DLEC1: variants seen among roughly 807,000 people sequenced by gnomAD.
DLEC1 encodes the protein DLEC1 cilia and flagella associated protein.
Under a neutral mutation model 198.1 loss-of-function variants are expected in DLEC1, and 146 were observed. That is an observed-to-expected ratio of 0.74 (90% CI 0.64 to 0.85). The LOEUF (loss-of-function observed/expected upper bound fraction) is 0.85, where lower values mean the gene tolerates loss of function less well. Among genes scored for constraint, DLEC1 ranks in the 40% least tolerant of loss-of-function variants. The pLI is 0.00. For missense variants in DLEC1, 2,233 were observed against 2,220.0 expected, an observed-to-expected ratio of 1.01 and a Z score of -0.12; for synonymous variants, 897 against 866.8, an observed-to-expected ratio of 1.03 and a Z score of -0.61.
intron 14 of DLEC1, 72 bp from the exon 15 acceptor site, chr3:38,096,497 A>T: frequency 6.6e-7 from 1 of 1,516,150 alleles, no homozygotes. Context: ...CAAACGTGGG[A>T]CAGAGGCAGG....
At chr3:38,050,557 G>A (rs1262458014) in intron 2 of DLEC1, among the ~76,000 whole-genome samples, 1 of 152,004 alleles carries the variant, frequency 6.6e-6, no homozygotes, top group Non-Finnish European at 1.5e-5. Flanking sequence ...GGGTTTTGGG[G>A]GGGCCAGGTG....
At chr3:38,090,325 G>A (rs1014808782) in intron 10 of DLEC1, among the ~76,000 whole-genome samples, 3 of 152,238 alleles carry the variant, frequency 2.0e-5, no homozygotes, top group Non-Finnish European at 4.4e-5. Flanking sequence ...CCCTTCCAGA[G>A]ATAGTCTATG....
At chr3:38,089,480 C>T (rs1698631324) in intron 10 of DLEC1, among the ~76,000 whole-genome samples, 1 of 152,206 alleles carries the variant, frequency 6.6e-6, no homozygotes, top group African/African-American at 2.4e-5. Context: ...CATGTCCCTG[C>T]TCATCTGATC....
At chr3:38,079,503 T>C (rs1483657857) in intron 6 of DLEC1, among the ~76,000 whole-genome samples, 1 of 152,150 alleles carries the variant, frequency 6.6e-6, no homozygotes, top group Non-Finnish European at 1.5e-5. Context: ...CGTGATGGTC[T>C]AGGGGGCTTT....
intron 13 of DLEC1, chr3:38,095,340 C>G: frequency 2.0e-6 from 1 of 494,628 alleles, no homozygotes; most frequent in South Asian, 2.6e-5. Flanking sequence ...CACATGTCTA[C>G]TATGGCAAAA....
At chr3:38,104,258 A>C (rs1310467921) in intron 19 of DLEC1, among the ~76,000 whole-genome samples, 1 of 152,126 alleles carries the variant, frequency 6.6e-6, no homozygotes, top group Non-Finnish European at 1.5e-5. Context: ...GGAGTACGAG[A>C]CCAGGCTAGC....
chr3:38,118,414 A>C (rs886268853), intron 33 of DLEC1, among the ~76,000 whole-genome samples: 3 of 152,318 alleles, frequency 2.0e-5, no homozygotes, highest in South Asian at 4.1e-4. Flanking sequence ...TTTGTGTCCC[A>C]GCTCAGGTGA....
chr3:38,070,786 C>T (rs1410461203), intron 6 of DLEC1, among the ~76,000 whole-genome samples: 1 of 152,178 alleles, frequency 6.6e-6, no homozygotes, highest in East Asian at 1.9e-4. Context: ...CGGCCATTTT[C>T]ACTTCTTTTG....
Position 38,116,529 on chromosome 3 carries a change from G to T in DLEC1, c.3933G>T (p.Gly1311=). 1 of 1,614,138 alleles carries T rather than the reference G, an allele frequency of 6.2e-7. No individual in the cohort carries two copies. Among genetic ancestry groups the T allele is most frequent in the South Asian group, 1.1e-5 (1 of 91,080 alleles). The part of the protein sequence containing the change: ...DRLVELLVFY[G]PPFPLRDQAG... Reference sequence around the variant, plus strand: ...TGGTGGAGCTGCTGGTGTTTTATGGGCCACCTTTCCCGCTGCGGGACCAAG... The same window carrying T: ...TGGTGGAGCTGCTGGTGTTTTATGGTCCACCTTTCCCGCTGCGGGACCAAG... Residue 1311 remains glycine (G), a synonymous_variant, in exon 28 of 37, where the codon GGG becomes GGT. Transcript: ENST00000308059.
chr3:38,097,948 C>T (rs34303129), intron 18 of DLEC1, 46 bp downstream of exon 18: 23 of 1,610,492 alleles, frequency 1.4e-5, no homozygotes, highest in East Asian at 6.7e-5. Flanking sequence ...ACAATGAGCC[C>T]GTTTAGCTTG....
chr3:38,067,779 A>C (rs1339088108), intron 6 of DLEC1, among the ~76,000 whole-genome samples: 2 of 137,972 alleles, frequency 1.4e-5, no homozygotes, highest in Non-Finnish European at 3.1e-5. Context: ...TTGAGATGGA[A>C]TCTTGCTCTA....
At position 38,062,228 on chromosome 3, in the gene DLEC1, A is replaced by G; in HGVS notation, c.733A>G (p.Lys245Glu). 6.2e-7 allele frequency: 1 copy of G among 1,614,222 alleles called. No homozygotes were observed. Among genetic ancestry groups the G allele is most frequent in the Non-Finnish European group, 8.5e-7 (1 of 1,180,038 alleles). The change falls in exon 4 of 37, where the codon AAG becomes GAG. Residue 245 changes from lysine (K) to glutamate (E), a missense_variant. Physicochemically the swap from Lys to Glu is moderately conservative, Grantham distance 56. Coordinates refer to ENST00000308059, the MANE Select transcript of DLEC1 (RefSeq NM_007335.4). ...TAGCTGTGAGAAGCGTTCCGTCCAG[A>G]AGAAAGAGCTGAACAAGAAGCTTGA... ...TFSCEKRSVQ[K>E]KELNKKLEDS...
intron 18 of DLEC1, among the ~76,000 whole-genome samples, chr3:38,098,627 G>A (rs184187761): frequency 1.6e-3 from 246 of 152,154 alleles, no homozygotes; most frequent in Middle Eastern, 6.8e-3. Flanking sequence ...GCTTCCCACC[G>A]AGGTCCCCAT....
chr3:38,105,617 T>A (rs1486167495), intron 19 of DLEC1, among the ~76,000 whole-genome samples: 2 of 152,198 alleles, frequency 1.3e-5, no homozygotes, highest in Non-Finnish European at 2.9e-5. Context: ...TTGCATGATA[T>A]ATATTTTTCC....
chr3:38,095,071 G>A lies in DLEC1; in HGVS notation c.2112G>A (p.Glu704=), dbSNP rs767799172. ...TCATCCTGAGCTTTTCTCCTCATGA[G>A]GTTCAGATGGTGTCATCTCAGTAGC... is the stretch of plus-strand genomic sequence containing the variant. ...HEFILSFSPH[E]LRDFHSVLQM... is the part of the protein sequence containing the mutation. The change falls in exon 13 of 37, where the codon GAG becomes GAA. Residue 704 remains glutamate, a splice_region_variant and synonymous_variant. Transcript: ENST00000308059. 105 of 1,613,896 alleles carry A rather than the reference G, an allele frequency of 6.5e-5. No homozygotes were observed. Among genetic ancestry groups the A allele is most frequent in the Non-Finnish European group, 8.5e-5 (100 of 1,179,894 alleles).
intron 6 of DLEC1, among the ~76,000 whole-genome samples, chr3:38,074,262 C>T (rs1697481401): frequency 1.3e-5 from 2 of 152,214 alleles, no homozygotes; most frequent in Admixed American, 6.5e-5. Flanking sequence ...AATGCGTTGC[C>T]ATCTGGCTGC....
At position 38,097,761 on chromosome 3, in the gene DLEC1, C is replaced by T. The variant is rs1467464848; in HGVS notation, c.2583C>T (p.Ile861=). 6.8e-6 allele frequency: 11 copies of T among 1,614,154 alleles called. No individual in the cohort carries two copies. The East Asian group carries it at 2.5e-4, about 36-fold the overall frequency. The stretch of plus-strand genomic sequence containing the variant: ...TGTCTCAGGGGCCTGCCCTCATCAT[C>T]AACGTCTCAGCCCTTCAGTTTGGTC... The part of the protein sequence containing the change: ...EAVFKGPALI[I]NVSALQFGLL... Residue 861 remains isoleucine, a synonymous_variant, in exon 18 of 37, where the codon ATC becomes ATT. Coordinates refer to ENST00000308059, the MANE Select transcript of DLEC1 (RefSeq NM_007335.4).
Position 38,120,435 on chromosome 3 carries a change from C to T in DLEC1, c.4705-13C>T. 6.2e-7 allele frequency: 1 copy of T among 1,613,990 alleles called. No homozygotes were observed. Among genetic ancestry groups the T allele is most frequent in the Non-Finnish European group, 8.5e-7 (1 of 1,179,896 alleles). On this transcript the variant is annotated splice_polypyrimidine_tract_variant and intron_variant, in intron 33 of 36. Coordinates refer to ENST00000308059, the MANE Select transcript of DLEC1 (RefSeq NM_007335.4). ...CTGCAGCCGGAGTTGACACCATGTC[C>T]ACATCTGCTCAGGTGAACGTGTCCT...
chr3:38,068,965 A>C (rs1697174417), intron 6 of DLEC1, among the ~76,000 whole-genome samples: 1 of 152,224 alleles, frequency 6.6e-6, no homozygotes, highest in Admixed American at 6.5e-5. Flanking sequence ...AGGGCGTGTC[A>C]TATGGTGAGT....
Sources: gnomAD v4.1 joint callset for allele counts (sites outside exome capture counted in the v4.1 genomes callset) on GRCh38, gnomAD v4.1.1 for gene constraint, MANE v1.5 for transcripts, NCBI Gene and HGNC (gene_info 2026-07-23, HGNC 2026-07-21) for gene names.